The following ELP4 variants were observed in gnomAD, a reference collection of about 807,000 sequenced individuals.
ELP4 encodes the protein elongator complex protein 4.
ELP4 carries 51 observed loss-of-function variants against 48.9 expected under a neutral mutation model. That is an observed-to-expected ratio of 1.04 (90% confidence interval 0.83 to 1.32). ELP4 has a LOEUF of 1.32. Among genes scored for constraint, ELP4 ranks in the 40% most tolerant of loss-of-function variants. The pLI, the probability that ELP4 is intolerant of heterozygous loss-of-function variation, is 0.00. For missense variants in ELP4, 519 were observed against 514.6 expected, an observed-to-expected ratio of 1.01 and a Z score of -0.08; for synonymous variants, 210 against 189.2, an observed-to-expected ratio of 1.11 and a Z score of -0.90.
intron 7 of ELP4, chr11:31,646,794 T>A (rs1592188224): frequency 6.6e-6 from 1 of 151,632 alleles, no homozygotes; most frequent in Middle Eastern, 3.4e-3. Context: ...GTCTAAGACA[T>A]CATAGCATAT....
intron 3 of ELP4, among the ~76,000 whole-genome samples, chr11:31,565,345 T>G (rs1317708127): frequency 1.3e-5 from 2 of 151,882 alleles, no homozygotes; most frequent in African/African-American, 4.8e-5. Flanking sequence ...CTGATGGCAG[T>G]TTCTTTTGCT....
At chr11:31,734,725 A>G (rs1947267457) in intron 9 of ELP4, among the ~76,000 whole-genome samples, 1 of 152,222 alleles carries the variant, frequency 6.6e-6, no homozygotes, top group Non-Finnish European at 1.5e-5. Context: ...GACATAAACA[A>G]ATGGAAAGAA....
At chr11:31,613,086 T>C (rs1554964726) in intron 5 of ELP4, among the ~76,000 whole-genome samples, 1 of 152,182 alleles carries the variant, frequency 6.6e-6, no homozygotes, top group African/African-American at 2.4e-5. Context: ...CTAAGGCTAA[T>C]GGAAGCTGTA....
chr11:31,693,736 C>T (rs994167288), intron 9 of ELP4, among the ~76,000 whole-genome samples: 1 of 152,202 alleles, frequency 6.6e-6, no homozygotes, highest in African/African-American at 2.4e-5. Context: ...GGAGTTGCCA[C>T]ACTGTCTTCC....
At chr11:31,591,605 A>G (rs190798950) in intron 3 of ELP4, among the ~76,000 whole-genome samples, 305 of 152,200 alleles carry the variant, frequency 2.0e-3, no homozygotes, top group African/African-American at 7.0e-3. Context: ...AATAATAACA[A>G]CAATTGGTTG....
intron 9 of ELP4, among the ~76,000 whole-genome samples, chr11:31,693,259 T>C: frequency 6.6e-6 from 1 of 152,134 alleles, no homozygotes; most frequent in Non-Finnish European, 1.5e-5. Context: ...GCTGTACCCA[T>C]TAACTCGTCA....
intron 3 of ELP4, among the ~76,000 whole-genome samples, chr11:31,554,526 C>G (rs1956899987): frequency 6.6e-6 from 1 of 151,580 alleles, no homozygotes; most frequent in Non-Finnish European, 1.5e-5. Context: ...AAACAATTAC[C>G]ACAATCAAAT....
intron 9 of ELP4, among the ~76,000 whole-genome samples, chr11:31,675,201 A>G (rs542934229): frequency 6.6e-6 from 1 of 152,308 alleles, no homozygotes; most frequent in Admixed American, 6.5e-5. Context: ...TGGCAGATTG[A>G]ATGGGCAGAA....
chr11:31,790,161 C>A lies in ELP4; in HGVS notation c.*6637C>A. 2 of 658,524 alleles carry A rather than the reference C, an allele frequency of 3.0e-6. No homozygotes were observed. The highest frequency in any genetic ancestry group is 2.6e-6 in the Non-Finnish European group (1 of 385,988). The allele number at this position is 658,524 out of a possible 1,614,324, so 40.8% of individuals were successfully genotyped here. A position where few individuals can be genotyped will look rare whatever the true frequency, so the allele number is the denominator to read the frequency against. On this transcript the variant is annotated 3_prime_UTR_variant, in exon 10 of 10. Coordinates refer to ENST00000640961, the MANE Select transcript of ELP4 (RefSeq NM_019040.5). Reference sequence around the variant, plus strand: ...ATTTTTTACTGTATTAAAATCACTTCAATTGTTACAAATAAAAGTAGCACC... The same window carrying A: ...ATTTTTTACTGTATTAAAATCACTTAAATTGTTACAAATAAAAGTAGCACC...
At chr11:31,602,970 A>G (rs1410792465) in intron 4 of ELP4, among the ~76,000 whole-genome samples, 2 of 151,984 alleles carry the variant, frequency 1.3e-5, no homozygotes, top group Non-Finnish European at 2.9e-5. Context: ...AAGTCCATTC[A>G]AAGCAATGTA....
intron 5 of ELP4, among the ~76,000 whole-genome samples, chr11:31,624,505 TCTGG>T (rs1944698908): frequency 6.6e-6 from 1 of 151,490 alleles, no homozygotes; most frequent in Middle Eastern, 3.2e-3. Flanking sequence ...TGGAAGTTGC[TCTGG>T]GTGAGTCAGT....
intron 9 of ELP4, among the ~76,000 whole-genome samples, chr11:31,766,238 A>T (rs1179911098): frequency 6.6e-6 from 1 of 152,170 alleles, no homozygotes; most frequent in Non-Finnish European, 1.5e-5. Context: ...TGAATAAAAA[A>T]GAAAACAATA....
chr11:31,518,693 G>A (rs895220993), intron 1 of ELP4, among the ~76,000 whole-genome samples: 3 of 151,342 alleles, frequency 2.0e-5, no homozygotes, highest in Non-Finnish European at 4.4e-5. Context: ...TCAGGAGTTC[G>A]AGACCAGCCT....
intron 3 of ELP4, among the ~76,000 whole-genome samples, chr11:31,547,794 A>G (rs1008232739): frequency 8.5e-5 from 13 of 152,232 alleles, no homozygotes; most frequent in Non-Finnish European, 1.8e-4. Context: ...CACCACGATC[A>G]AGTGGACTTC....
chr11:31,633,055 A>G (rs1944898047), intron 7 of ELP4: 1 of 152,076 alleles, frequency 6.6e-6, no homozygotes, highest in African/African-American at 2.4e-5. Flanking sequence ...TATAGGCTTT[A>G]TGGTAATAAC....
intron 3 of ELP4, among the ~76,000 whole-genome samples, chr11:31,558,452 A>G (rs934729336): frequency 6.6e-6 from 1 of 152,200 alleles, no homozygotes; most frequent in Non-Finnish European, 1.5e-5. Flanking sequence ...TTTAGCATTG[A>G]TGTTTATTCA....
intron 9 of ELP4, among the ~76,000 whole-genome samples, chr11:31,655,754 C>T (rs566449733): frequency 6.6e-6 from 1 of 152,136 alleles, no homozygotes; most frequent in African/African-American, 2.4e-5. Flanking sequence ...CATGACTAGA[C>T]ACATGCTAAA....
intron 5 of ELP4, among the ~76,000 whole-genome samples, chr11:31,622,540 G>A (rs1328578054): frequency 6.6e-6 from 1 of 151,460 alleles, no homozygotes; most frequent in East Asian, 1.9e-4. Flanking sequence ...TACTACATCT[G>A]ATTCTTTTTT....
chr11:31,652,750 G>T (rs1945348524), intron 9 of ELP4: 2 of 151,812 alleles, frequency 1.3e-5, no homozygotes, highest in South Asian at 4.1e-4. Context: ...CTCACTTTCA[G>T]AAGTGAAAGG....
Sources: gnomAD v4.1 joint callset for allele counts (sites outside exome capture counted in the v4.1 genomes callset) on GRCh38, gnomAD v4.1.1 for gene constraint, MANE v1.5 for transcripts, NCBI Gene and HGNC (gene_info 2026-07-23, HGNC 2026-07-21) for gene names.